Variants in BRINP3 observed in about 807,000 individuals in gnomAD.
The protein encoded by BRINP3 is BMP/retinoic acid inducible neural specific 3, also known as BMP/retinoic acid-inducible neural-specific protein 3.
BRINP3 carries 19 observed loss-of-function variants against 71.0 expected under a neutral mutation model. That is an observed-to-expected ratio of 0.27 (90% CI 0.19 to 0.39). The LOEUF (loss-of-function observed/expected upper bound fraction) is 0.39, where lower values mean the gene tolerates loss of function less well. Among genes scored for constraint, BRINP3 ranks in the 10% least tolerant of loss-of-function variants. BRINP3 has a pLI of 1.00. For missense variants in BRINP3, 959 were observed against 940.8 expected (o/e 1.02, Z -0.25); for synonymous variants, 380 against 337.7 (o/e 1.13, Z -1.37).
intron 2 of BRINP3, among the ~76,000 whole-genome samples, chr1:190,348,661 A>C (rs1376985638): frequency 6.6e-6 from 1 of 152,130 alleles, no homozygotes; most frequent in Non-Finnish European, 1.5e-5. Flanking sequence ...GCACTTTTAC[A>C]TCTTCCAAAG....
chr1:190,318,072 C>G (rs1182359230), intron 2 of BRINP3, among the ~76,000 whole-genome samples: 1 of 152,056 alleles, frequency 6.6e-6, no homozygotes, highest in Non-Finnish European at 1.5e-5. Context: ...CACCTTTCCT[C>G]TTTCTTTATA....
At chr1:190,108,719 G>GT (rs376833247) in intron 7 of BRINP3, among the ~76,000 whole-genome samples, 2,708 of 150,536 alleles carry the variant, frequency 0.018, 90 homozygotes, top group African/African-American at 0.063. Flanking sequence ...TTAATCCTTG[G>GT]TTTTCCAGAC....
chr1:190,303,967 G>C lies in BRINP3; in HGVS notation c.237-22217C>G, dbSNP rs998074515. Among the ~76,000 whole-genome samples the C allele has an allele frequency of 3.3e-5, 5 of 151,534 alleles. No homozygotes were observed. The East Asian group carries it at 9.7e-4, about 29-fold the overall frequency. On this transcript the variant is annotated intron_variant, in intron 2 of 7. Coordinates refer to ENST00000367462, the MANE Select transcript of BRINP3 (RefSeq NM_199051.3). ...TTTCCATTAGGTAGTACTTCAAATT[G>C]CCATTCATATAAAAGTTAGTCATCT...
At chr1:190,402,078 T>C (rs1375824280) in intron 2 of BRINP3, among the ~76,000 whole-genome samples, 1 of 152,028 alleles carries the variant, frequency 6.6e-6, no homozygotes, top group Non-Finnish European at 1.5e-5. Flanking sequence ...TAAAAATACA[T>C]AATCATACTT....
At chr1:190,267,420 C>G (rs1349257865) in intron 3 of BRINP3, among the ~76,000 whole-genome samples, 2 of 151,820 alleles carry the variant, frequency 1.3e-5, no homozygotes, top group Non-Finnish European at 2.9e-5. Flanking sequence ...GGCAAAATTA[C>G]AAATTTTAAA....
intron 4 of BRINP3, among the ~76,000 whole-genome samples, chr1:190,256,006 T>C (rs1660629314): frequency 1.3e-5 from 2 of 152,236 alleles, no homozygotes; most frequent in South Asian, 4.1e-4. Context: ...TCTTTATTTC[T>C]GCCTTCATTT....
intron 6 of BRINP3, among the ~76,000 whole-genome samples, chr1:190,212,081 A>G (rs1006682825): frequency 1.3e-5 from 2 of 152,130 alleles, no homozygotes; most frequent in Non-Finnish European, 2.9e-5. Flanking sequence ...CAAGATTGAG[A>G]CTGTTGTTAC....
At chr1:190,106,093 A>C (rs1051146497) in intron 7 of BRINP3, among the ~76,000 whole-genome samples, 1 of 151,940 alleles carries the variant, frequency 6.6e-6, no homozygotes, top group African/African-American at 2.4e-5. Flanking sequence ...AGTGTGATTG[A>C]GGAATATGGA....
chr1:190,142,693 C>A (rs1314980131), intron 7 of BRINP3, among the ~76,000 whole-genome samples: 1 of 151,488 alleles, frequency 6.6e-6, no homozygotes, highest in Non-Finnish European at 1.5e-5. Flanking sequence ...TATAACCTAT[C>A]AGAAATATTT....
intron 2 of BRINP3, among the ~76,000 whole-genome samples, chr1:190,337,026 T>C (rs1667334024): frequency 6.6e-6 from 1 of 151,884 alleles, no homozygotes; most frequent in Non-Finnish European, 1.5e-5. Context: ...TATTATATAA[T>C]ACTAAACTAA....
intron 2 of BRINP3, among the ~76,000 whole-genome samples, chr1:190,360,329 T>C (rs1669057207): frequency 6.6e-6 from 1 of 152,184 alleles, no homozygotes. Context: ...TTGTTAATAA[T>C]TTATACTAGA....
chr1:190,139,139 C>T (rs1388664870), intron 7 of BRINP3, among the ~76,000 whole-genome samples: 2 of 151,162 alleles, frequency 1.3e-5, no homozygotes, highest in African/African-American at 4.9e-5. Context: ...TGTCAGAAGA[C>T]CGCATCATAG....
chr1:190,176,918 G>A (rs1241051206), intron 6 of BRINP3, among the ~76,000 whole-genome samples: 1 of 152,018 alleles, frequency 6.6e-6, no homozygotes, highest in Non-Finnish European at 1.5e-5. Context: ...TTAACACATG[G>A]CCAAACACAG....
At chr1:190,443,027 C>T (rs953674605) in intron 2 of BRINP3, among the ~76,000 whole-genome samples, 1 of 151,244 alleles carries the variant, frequency 6.6e-6, no homozygotes, top group Non-Finnish European at 1.5e-5. Flanking sequence ...ATTCTCCTGC[C>T]TCGGCCTCCC....
At chr1:190,283,919 C>A (rs1482005944) in intron 2 of BRINP3, among the ~76,000 whole-genome samples, 6 of 151,674 alleles carry the variant, frequency 4.0e-5, no homozygotes, top group African/African-American at 1.5e-4. Context: ...AAAGCTGTGA[C>A]ATGTATTTTT....
intron 5 of BRINP3, among the ~76,000 whole-genome samples, chr1:190,226,643 C>A (rs1454083440): frequency 1.3e-5 from 2 of 151,780 alleles, no homozygotes; most frequent in African/African-American, 2.4e-5. Context: ...CTTTCTAAAC[C>A]TTTGAAAATA....
At chr1:190,395,452 C>T (rs1671508007) in intron 2 of BRINP3, among the ~76,000 whole-genome samples, 1 of 151,646 alleles carries the variant, frequency 6.6e-6, no homozygotes, top group East Asian at 1.9e-4. Context: ...ATGACTTCTC[C>T]AGATTTTCTA....
chr1:190,303,871 G>A (rs1161283681), intron 2 of BRINP3, among the ~76,000 whole-genome samples: 2 of 151,430 alleles, frequency 1.3e-5, no homozygotes, highest in African/African-American at 4.8e-5. Context: ...TTCCCCCTAG[G>A]TATTTAAAAA....
At chr1:190,444,196 GC>G (rs1675035847) in intron 2 of BRINP3, among the ~76,000 whole-genome samples, 1 of 118,758 alleles carries the variant, frequency 8.4e-6, no homozygotes, top group Non-Finnish European at 1.6e-5. Context: ...ACGACATTGT[GC>G]CATTGCACTC....
Sources: allele counts gnomAD v4.1 joint callset (sites outside exome capture counted in the v4.1 genomes callset), GRCh38; gene constraint gnomAD v4.1.1; transcripts MANE v1.5; gene names NCBI Gene and HGNC (gene_info 2026-07-23, HGNC 2026-07-21).